SCFD2: variants seen among roughly 807,000 people sequenced by gnomAD.
SCFD2 encodes the protein sec1 family domain-containing protein 2.
SCFD2 carries 54 observed loss-of-function variants against 58.9 expected under a neutral mutation model. That is an observed-to-expected ratio of 0.92 (90% CI 0.74 to 1.15). The LOEUF (loss-of-function observed/expected upper bound fraction) is 1.15. SCFD2 is among the 50% of genes most tolerant of loss of function. The pLI, the probability that SCFD2 is intolerant of heterozygous loss-of-function variation, is 0.00. For missense variants in SCFD2, 805 were observed against 836.6 expected (o/e 0.96, Z 0.47); for synonymous variants, 321 against 335.9 (o/e 0.96, Z 0.49).
At chr4:53,205,634 C>A (rs766682999) in intron 4 of SCFD2, among the ~76,000 whole-genome samples, 6 of 151,860 alleles carry the variant, frequency 4.0e-5, no homozygotes, top group Non-Finnish European at 5.9e-5. Context: ...CCGAGGTGGG[C>A]GGATCACGAG....
intron 3 of SCFD2, among the ~76,000 whole-genome samples, chr4:53,301,907 C>A (rs1732316990): frequency 2.0e-5 from 3 of 152,166 alleles, no homozygotes; most frequent in Admixed American, 6.5e-5. Flanking sequence ...AACAACCCTC[C>A]ATGCTAAAAA....
chr4:53,114,404 G>A (rs1288696271), intron 5 of SCFD2, among the ~76,000 whole-genome samples: 2 of 152,066 alleles, frequency 1.3e-5, no homozygotes, highest in African/African-American at 2.4e-5. Flanking sequence ...CCTGGGCAGA[G>A]CACATGACCC....
rs577117732 is a variant in SCFD2, at chr4:52,876,097, G to A, written c.1963-2036C>T. ...TAATTGAGCCTGGCGGCTTCCAGGC[G>A]AGTGCCATCAGCAGACCCTGAGGAG... On this transcript the variant is annotated intron_variant, in intron 8 of 8. Coordinates refer to ENST00000401642, the MANE Select transcript of SCFD2 (RefSeq NM_152540.4). 4.9e-4 allele frequency among the ~76,000 whole-genome samples: 75 copies of A among 151,856 alleles called. 1 individual carries two copies. Among genetic ancestry groups the A allele is most frequent in the African/African-American group, 1.7e-3 (69 of 41,396 alleles).
At position 53,174,006 on chromosome 4, in the gene SCFD2, G is replaced by A. The variant is rs1197142443; in HGVS notation, c.1312-28424C>T. Reference sequence around the variant, plus strand: ...AGCAAAATAATTAAGGTATGAATAAGGAATTATCAAAAACTACCTGATATT... The same window carrying A: ...AGCAAAATAATTAAGGTATGAATAAAGAATTATCAAAAACTACCTGATATT... On this transcript the variant is annotated intron_variant, in intron 4 of 8. Transcript: ENST00000401642. Among the ~76,000 whole-genome samples the A allele has an allele frequency of 2.0e-5, 3 of 151,910 alleles. No individual in the cohort carries two copies. The East Asian group carries it at 5.8e-4, about 29-fold the overall frequency.
At chr4:52,886,737 T>C (rs1198812465) in intron 7 of SCFD2, among the ~76,000 whole-genome samples, 3 of 152,254 alleles carry the variant, frequency 2.0e-5, no homozygotes, top group Non-Finnish European at 4.4e-5. Flanking sequence ...AGCTACCAGA[T>C]GTCCCAGTGG....
At chr4:53,186,456 G>A (rs1727739499) in intron 4 of SCFD2, among the ~76,000 whole-genome samples, 1 of 151,928 alleles carries the variant, frequency 6.6e-6, no homozygotes, top group African/African-American at 2.4e-5. Context: ...CGAAGAACAT[G>A]TCCAGAAAAT....
intron 3 of SCFD2, among the ~76,000 whole-genome samples, chr4:53,283,567 G>A (rs1731570988): frequency 6.6e-6 from 1 of 151,822 alleles, no homozygotes; most frequent in South Asian, 2.1e-4. Context: ...TTTTACATTT[G>A]TTTTTTGTTT....
chr4:53,242,981 T>C (rs1729947591), intron 4 of SCFD2, among the ~76,000 whole-genome samples: 1 of 152,086 alleles, frequency 6.6e-6, no homozygotes, highest in South Asian at 2.1e-4. Context: ...AATATGGAAC[T>C]ATGTAAAGAG....
At chr4:53,039,924 C>T (rs2148823761) in intron 5 of SCFD2, among the ~76,000 whole-genome samples, 1 of 152,254 alleles carries the variant, frequency 6.6e-6, no homozygotes, top group South Asian at 2.1e-4. Flanking sequence ...TGCTCTGAAC[C>T]TTGTCCAGTT....
intron 3 of SCFD2, among the ~76,000 whole-genome samples, chr4:53,294,330 G>A (rs563974181): frequency 2.8e-4 from 43 of 152,134 alleles, no homozygotes; most frequent in Admixed American, 5.9e-4. Flanking sequence ...TTTAATGATC[G>A]CCATTCTAAC....
At chr4:53,127,737 G>A (rs1725669113) in intron 5 of SCFD2, among the ~76,000 whole-genome samples, 1 of 152,116 alleles carries the variant, frequency 6.6e-6, no homozygotes, top group Non-Finnish European at 1.5e-5. Context: ...CAAGGCCTGT[G>A]TCTGGGACAG....
intron 4 of SCFD2, among the ~76,000 whole-genome samples, chr4:53,201,839 G>T (rs1218319123): frequency 6.6e-6 from 1 of 152,182 alleles, no homozygotes; most frequent in Non-Finnish European, 1.5e-5. Context: ...AGAAGTGTCT[G>T]TTCATATCCT....
At chr4:53,190,531 T>C (rs1484010030) in intron 4 of SCFD2, among the ~76,000 whole-genome samples, 5 of 152,308 alleles carry the variant, frequency 3.3e-5, no homozygotes, top group Middle Eastern at 3.4e-3. Flanking sequence ...CTTTTTACAA[T>C]TGCAAACTAC....
chr4:53,139,061 G>A (rs960194533), intron 5 of SCFD2, among the ~76,000 whole-genome samples: 1 of 152,190 alleles, frequency 6.6e-6, no homozygotes, highest in Non-Finnish European at 1.5e-5. Flanking sequence ...TGGGAAGACG[G>A]GGTTTCGCCA....
At chr4:53,171,658 T>C (rs1348238643) in intron 4 of SCFD2, among the ~76,000 whole-genome samples, 2 of 152,196 alleles carry the variant, frequency 1.3e-5, no homozygotes, top group African/African-American at 2.4e-5. Context: ...GGAGAGATTT[T>C]ATTATTGATT....
intron 4 of SCFD2, among the ~76,000 whole-genome samples, chr4:53,150,719 T>G (rs765374680): frequency 3.3e-5 from 5 of 152,200 alleles, no homozygotes; most frequent in African/African-American, 4.8e-5. Context: ...ATCTGTAAAA[T>G]GGAAACAATA....
chr4:52,882,522 T>C (rs1398099127), intron 8 of SCFD2, among the ~76,000 whole-genome samples: 1 of 152,170 alleles, frequency 6.6e-6, no homozygotes, highest in African/African-American at 2.4e-5. Flanking sequence ...GTCAGTGGAC[T>C]GGGAAAGGCA....
At chr4:53,058,962 A>C (rs1723427058) in intron 5 of SCFD2, among the ~76,000 whole-genome samples, 1 of 152,148 alleles carries the variant, frequency 6.6e-6, no homozygotes, top group South Asian at 2.1e-4. Flanking sequence ...GAAAACCATC[A>C]AGTAGCATGC....
intron 5 of SCFD2, among the ~76,000 whole-genome samples, chr4:53,071,086 C>T (rs555196564): frequency 2.1e-4 from 32 of 152,180 alleles, no homozygotes; most frequent in African/African-American, 6.5e-4. Flanking sequence ...CTCCCTCCTC[C>T]ACTTCATCTT....
Sources: allele counts gnomAD v4.1 joint callset (sites outside exome capture counted in the v4.1 genomes callset), GRCh38; gene constraint gnomAD v4.1.1; transcripts MANE v1.5; gene names NCBI Gene and HGNC (gene_info 2026-07-23, HGNC 2026-07-21).